Variants in SFMBT2 observed in about 807,000 individuals in gnomAD.
The protein encoded by SFMBT2 is scm-like with four MBT domains protein 2.
SFMBT2 carries 38 observed loss-of-function variants against 110.1 expected under a neutral mutation model. The ratio of observed to expected loss-of-function variants is 0.35; its 90% CI spans 0.27 to 0.45. SFMBT2 has a LOEUF of 0.45. SFMBT2 is among the 20% of genes least tolerant of loss of function. The pLI is 1.00. For synonymous variants in SFMBT2, 425 were observed against 425.4 expected, an observed-to-expected ratio of 1.00 and a Z score of 0.01; for missense variants, 1,011 against 1,094.9, an observed-to-expected ratio of 0.92 and a Z score of 1.08.
At chr10:7,233,466 A>C (rs1840167873) in intron 9 of SFMBT2, among the ~76,000 whole-genome samples, 1 of 152,214 alleles carries the variant, frequency 6.6e-6, no homozygotes, top group Admixed American at 6.5e-5. Flanking sequence ...TCCTCACCCC[A>C]GAGAATGTTT....
chr10:7,344,756 G>A (rs1243528368), intron 4 of SFMBT2, among the ~76,000 whole-genome samples: 3 of 151,960 alleles, frequency 2.0e-5, no homozygotes, highest in African/African-American at 7.3e-5. Flanking sequence ...CATGAGGTCA[G>A]GAGATCGAGA....
intron 1 of SFMBT2, among the ~76,000 whole-genome samples, chr10:7,397,886 G>A (rs1490019658): frequency 6.6e-6 from 1 of 152,180 alleles, no homozygotes; most frequent in Non-Finnish European, 1.5e-5. Flanking sequence ...ACTCTCACCA[G>A]CCAACTAAGA....
chr10:7,385,905 C>T (rs1270541630), intron 1 of SFMBT2, among the ~76,000 whole-genome samples: 1 of 152,120 alleles, frequency 6.6e-6, no homozygotes, highest in African/African-American at 2.4e-5. Flanking sequence ...GAGACTGAGG[C>T]AGGAGAATGG....
intron 4 of SFMBT2, among the ~76,000 whole-genome samples, chr10:7,353,878 C>G (rs4748843): frequency 0.013 from 2,047 of 152,124 alleles, 14 homozygotes; most frequent in Middle Eastern, 0.027. Flanking sequence ...CTGAGGTCAG[C>G]AGTTCGAGAC....
At chr10:7,229,308 C>T (rs1434663205) in intron 9 of SFMBT2, among the ~76,000 whole-genome samples, 3 of 152,058 alleles carry the variant, frequency 2.0e-5, no homozygotes, top group South Asian at 2.1e-4. Flanking sequence ...AGGCCGGGCG[C>T]GGTGGCTCAC....
At chr10:7,409,680 C>T (rs1846319295) in intron 1 of SFMBT2, among the ~76,000 whole-genome samples, 1 of 151,380 alleles carries the variant, frequency 6.6e-6, no homozygotes, top group Non-Finnish European at 1.5e-5. Context: ...TTCTTTTTTT[C>T]CCCACTTAAT....
At chr10:7,338,307 T>C (rs559023173) in intron 4 of SFMBT2, among the ~76,000 whole-genome samples, 3 of 152,314 alleles carry the variant, frequency 2.0e-5, no homozygotes, top group Admixed American at 1.3e-4. Context: ...CCTGTAAAAC[T>C]GAAATTCTAG....
chr10:7,269,996 T>C (rs1295166066), intron 7 of SFMBT2, among the ~76,000 whole-genome samples: 5 of 151,926 alleles, frequency 3.3e-5, no homozygotes, highest in Non-Finnish European at 4.4e-5. Flanking sequence ...GCGATCAGAT[T>C]GGGTTGAAGA....
intron 17 of SFMBT2, among the ~76,000 whole-genome samples, chr10:7,175,019 A>C (rs979290842): frequency 2.0e-5 from 3 of 152,250 alleles, no homozygotes; most frequent in African/African-American, 7.2e-5. Context: ...CACACTCTGC[A>C]CAGCGTTTCC....
In SFMBT2 at chr10:7,293,706, T is replaced by TTCTC. The variant is rs566206725; in HGVS notation, c.437-7756_437-7753dup. Among the ~76,000 whole-genome samples, 22 of 151,862 alleles carry TTCTC rather than the reference T, an allele frequency of 1.4e-4. No homozygotes were observed. The highest frequency in any genetic ancestry group is 5.1e-4 in the African/African-American group (21 of 41,416). ...AGTCAAAGTTCCTCTCTCTTTCTCTTTCTCTCTCTCTCTTTCTCTCCCTCT... is the reference window on the plus strand; with the variant it reads ...AGTCAAAGTTCCTCTCTCTTTCTCTTTCTCTCTCTCTCTCTCTTTCTCTCCCTCT... On this transcript the variant is annotated intron_variant, in intron 4 of 20. Transcript: ENST00000397167. The surrounding 1 kb of genome is among the most constrained non-coding windows in gnomAD (Gnocchi z 4.6).
chr10:7,318,301 T>G (rs1468529540), intron 4 of SFMBT2, among the ~76,000 whole-genome samples: 1 of 152,256 alleles, frequency 6.6e-6, no homozygotes, highest in Non-Finnish European at 1.5e-5. Flanking sequence ...ATATTTGTTC[T>G]AAACACCTCC....
At chr10:7,351,629 G>A (rs1844317804) in intron 4 of SFMBT2, among the ~76,000 whole-genome samples, 1 of 152,188 alleles carries the variant, frequency 6.6e-6, no homozygotes, top group African/African-American at 2.4e-5. Flanking sequence ...GCTGAGATCA[G>A]TTATACATAA....
chr10:7,222,110 C>A (rs996470250), intron 10 of SFMBT2, among the ~76,000 whole-genome samples: 1 of 152,188 alleles, frequency 6.6e-6, no homozygotes, highest in Non-Finnish European at 1.5e-5. Flanking sequence ...ATATCTGTAG[C>A]CTTTCGAGTC....
At chr10:7,382,051 C>T (rs944058286) in intron 1 of SFMBT2, 102 bp from the exon 2 acceptor site, 10 of 543,934 alleles carry the variant, frequency 1.8e-5, no homozygotes, top group Non-Finnish European at 3.1e-5. Context: ...AGTGCCACTA[C>T]CATTTCATTA....
chr10:7,272,668 C>A (rs1007393080), intron 7 of SFMBT2, among the ~76,000 whole-genome samples: 1 of 152,184 alleles, frequency 6.6e-6, no homozygotes, highest in Non-Finnish European at 1.5e-5. Flanking sequence ...CCTGGAGCCC[C>A]AGGTGGGACA....
intron 4 of SFMBT2, among the ~76,000 whole-genome samples, chr10:7,311,297 C>T (rs1408580614): frequency 1.3e-5 from 2 of 152,198 alleles, no homozygotes; most frequent in Non-Finnish European, 2.9e-5. Context: ...TAGAGCTAAA[C>T]ATTTCCAATG....
In SFMBT2 at chr10:7,290,417, C is replaced by T. The variant is rs1296464855; in HGVS notation, c.437-4463G>A. 2.0e-5 allele frequency among the ~76,000 whole-genome samples: 3 copies of T among 152,108 alleles called. No homozygotes were observed. In the East Asian group the frequency reaches 5.8e-4, roughly 29 times the overall value. On this transcript the variant is annotated intron_variant, in intron 4 of 20. Transcript: ENST00000397167. ...TCACTTTGGAGAAGTGCCCACATCACAGTGAAGGAAGGAATCATGAACTTG... is the reference window on the plus strand; with the variant it reads ...TCACTTTGGAGAAGTGCCCACATCATAGTGAAGGAAGGAATCATGAACTTG...
intron 4 of SFMBT2, among the ~76,000 whole-genome samples, chr10:7,349,015 AG>A (rs34657960): frequency 6.6e-6 from 1 of 152,194 alleles, no homozygotes; most frequent in Non-Finnish European, 1.5e-5. Flanking sequence ...TCCCAGGTCA[AG>A]GATGGTCACC....
chr10:7,400,592 G>A (rs947010160), intron 1 of SFMBT2, among the ~76,000 whole-genome samples: 4 of 152,106 alleles, frequency 2.6e-5, no homozygotes, highest in African/African-American at 9.7e-5. Flanking sequence ...GGCTTGGCAG[G>A]GATTAGCTCC....
Sources: allele counts gnomAD v4.1 joint callset (sites outside exome capture counted in the v4.1 genomes callset), GRCh38; gene constraint gnomAD v4.1.1; non-coding constraint Gnocchi (gnomAD v3.1); transcripts MANE v1.5; gene names NCBI Gene and HGNC (gene_info 2026-07-23, HGNC 2026-07-21).